The following LINGO2 variants were observed in gnomAD, a reference collection of about 807,000 sequenced individuals.
The protein encoded by LINGO2 is leucine-rich repeat and immunoglobulin-like domain-containing nogo receptor-interacting protein 2.
Under a neutral mutation model 30.6 loss-of-function variants are expected in LINGO2, and 14 were observed. The observed-to-expected ratio is 0.46, with a 90% CI of 0.30 to 0.72. The LOEUF is 0.72. Ranked by LOEUF, LINGO2 falls within the 30% of genes least tolerant of loss-of-function variation. LINGO2 has a pLI of 0.07. For missense variants in LINGO2, 729 were observed against 751.7 expected (o/e 0.97, Z 0.35); for synonymous variants, 317 against 288.5 (o/e 1.10, Z -1.00).
the LINGO2 span, among the ~76,000 whole-genome samples, chr9:28,955,089 G>A: frequency 5.8e-3 from 886 of 152,116 alleles, 12 homozygotes; most frequent in African/African-American, 0.02. Flanking sequence ...AAGAAACGGA[G>A]ATTAGGAAAT....
the LINGO2 span, among the ~76,000 whole-genome samples, chr9:28,698,081 C>T: frequency 6.6e-6 from 1 of 152,102 alleles, no homozygotes; most frequent in African/African-American, 2.4e-5. Context: ...ACCTCATAAG[C>T]TGATATTGGC....
chr9:29,064,653 A>G, the LINGO2 span, among the ~76,000 whole-genome samples: 3 of 152,088 alleles, frequency 2.0e-5, no homozygotes, highest in Admixed American at 1.3e-4. Context: ...TAATTGAAAC[A>G]TCTTTATTAA....
At chr9:29,209,896 C>G in the LINGO2 span, among the ~76,000 whole-genome samples, 1 of 151,948 alleles carries the variant, frequency 6.6e-6, no homozygotes, top group East Asian at 1.9e-4. Context: ...TACAACACAA[C>G]CAAATTGGAG....
intron 4 of LINGO2, among the ~76,000 whole-genome samples, chr9:28,179,556 CTA>C (rs1157740274): frequency 8.2e-6 from 1 of 121,410 alleles, no homozygotes; most frequent in African/African-American, 3.0e-5. Flanking sequence ...ACTATATATA[CTA>C]TAGAGTATGT....
At chr9:28,462,522 TA>T (rs1177333976) in intron 2 of LINGO2, among the ~76,000 whole-genome samples, 3 of 149,960 alleles carry the variant, frequency 2.0e-5, no homozygotes, top group East Asian at 2.0e-4. Flanking sequence ...AGACCACAAA[TA>T]GGGGGAAAAA....
At chr9:28,737,285 A>G in the LINGO2 span, among the ~76,000 whole-genome samples, 1 of 152,204 alleles carries the variant, frequency 6.6e-6, no homozygotes, top group African/African-American at 2.4e-5. Flanking sequence ...GTGATACTAA[A>G]GCCACAATGA....
chr9:28,551,357 T>C (rs1822269338), intron 1 of LINGO2, among the ~76,000 whole-genome samples: 1 of 151,834 alleles, frequency 6.6e-6, no homozygotes, highest in Non-Finnish European at 1.5e-5. Flanking sequence ...TTATATAAAG[T>C]ATGTATATTT....
the LINGO2 span, among the ~76,000 whole-genome samples, chr9:29,101,443 T>C: frequency 6.6e-6 from 1 of 152,202 alleles, no homozygotes. Flanking sequence ...AATAGATTAG[T>C]GTGAATCCAC....
chr9:28,772,894 AT>A, the LINGO2 span, among the ~76,000 whole-genome samples: 1 of 152,180 alleles, frequency 6.6e-6, no homozygotes, highest in Non-Finnish European at 1.5e-5. Context: ...GCTTAATCCA[AT>A]TTGTCCACAA....
chr9:28,748,952 C>T, the LINGO2 span, among the ~76,000 whole-genome samples: 4 of 151,980 alleles, frequency 2.6e-5, no homozygotes, highest in African/African-American at 9.7e-5. Context: ...TGTAATTATT[C>T]TCAAGAAATC....
chr9:28,290,665 G>A (rs960003438), intron 4 of LINGO2, among the ~76,000 whole-genome samples: 4 of 152,190 alleles, frequency 2.6e-5, no homozygotes, highest in Non-Finnish European at 5.9e-5. Context: ...AGGAACTGGG[G>A]AGGGGCAAGG....
At chr9:29,201,313 A>G in the LINGO2 span, among the ~76,000 whole-genome samples, 263 of 152,170 alleles carry the variant, frequency 1.7e-3, 3 homozygotes, top group Middle Eastern at 0.024. Context: ...AAATTCCACA[A>G]ATTTTCATAA....
At chr9:28,910,680 A>C in the LINGO2 span, among the ~76,000 whole-genome samples, 1 of 152,076 alleles carries the variant, frequency 6.6e-6, no homozygotes, top group East Asian at 1.9e-4. Context: ...TTCACCTTCT[A>C]CCATGATAGT....
the LINGO2 span, among the ~76,000 whole-genome samples, chr9:28,682,260 C>G: frequency 6.6e-6 from 1 of 152,146 alleles, no homozygotes; most frequent in African/African-American, 2.4e-5. Context: ...AAGGATTTGG[C>G]AGATGGAAAA....
At chr9:28,991,950 G>A in the LINGO2 span, among the ~76,000 whole-genome samples, 2 of 152,130 alleles carry the variant, frequency 1.3e-5, no homozygotes, top group African/African-American at 4.8e-5. Flanking sequence ...GGAATAAACT[G>A]CATCAACTAA....
rs533012448 is a variant in LINGO2, at chr9:28,223,867, G to T, written c.-87+71341C>A. On this transcript the variant is annotated intron_variant, in intron 4 of 5. Transcript: ENST00000379992. ...CCATTAACCAAAATATGGAAGTCAAGAGTATTTAGCCCCCAAAATAAGATA... is the reference window on the plus strand; with the variant it reads ...CCATTAACCAAAATATGGAAGTCAATAGTATTTAGCCCCCAAAATAAGATA... 5.9e-5 allele frequency among the ~76,000 whole-genome samples: 9 copies of T among 152,270 alleles called. No individual in the cohort carries two copies. The East Asian group carries it at 1.7e-3, about 29-fold the overall frequency.
chr9:28,399,688 G>C (rs892009210), intron 2 of LINGO2, among the ~76,000 whole-genome samples: 9 of 152,060 alleles, frequency 5.9e-5, no homozygotes, highest in Non-Finnish European at 1.3e-4. Flanking sequence ...TGATGATCAG[G>C]GAAGGATTCT....
At chr9:28,233,063 A>ATATATATATATATATAT (rs1308692360) in intron 4 of LINGO2, among the ~76,000 whole-genome samples, 1 of 89,544 alleles carries the variant, frequency 1.1e-5, no homozygotes, top group African/African-American at 5.6e-5. Flanking sequence ...TATATATATT[A>ATATATATATATATATAT]GATATATAAT....
chr9:28,198,254 A>G (rs1820088109), intron 4 of LINGO2, among the ~76,000 whole-genome samples: 1 of 151,912 alleles, frequency 6.6e-6, no homozygotes, highest in Non-Finnish European at 1.5e-5. Context: ...AATATGAAAA[A>G]AAAAAACAAA....
Sources: gnomAD v4.1 joint callset for allele counts (sites outside exome capture counted in the v4.1 genomes callset) on GRCh38, gnomAD v4.1.1 for gene constraint, MANE v1.5 for transcripts, NCBI Gene and HGNC (gene_info 2026-07-23, HGNC 2026-07-21) for gene names.